The following SLC24A2 variants were observed in gnomAD, a reference collection of about 807,000 sequenced individuals.
SLC24A2 encodes the protein solute carrier family 24 member 2.
Under a neutral mutation model 62.0 loss-of-function variants are expected in SLC24A2, and 36 were observed. The ratio of observed to expected loss-of-function variants is 0.58; its 90% CI spans 0.44 to 0.77. SLC24A2 has a LOEUF of 0.77. Among genes scored for constraint, SLC24A2 ranks in the 30% least tolerant of loss-of-function variants. SLC24A2 has a pLI of 0.00. For missense variants in SLC24A2, 846 were observed against 817.9 expected, an observed-to-expected ratio of 1.03 and a Z score of -0.42; for synonymous variants, 358 against 294.0, an observed-to-expected ratio of 1.22 and a Z score of -2.23.
chr9:20,071,230 G>GT, the SLC24A2 span, among the ~76,000 whole-genome samples: 2,154 of 152,098 alleles, frequency 0.014, 50 homozygotes, highest in African/African-American at 0.05. Context: ...GTCTCAGGTA[G>GT]TTTTTTTTAT....
At chr9:20,078,470 T>C in the SLC24A2 span, among the ~76,000 whole-genome samples, 9 of 152,140 alleles carry the variant, frequency 5.9e-5, no homozygotes, top group African/African-American at 9.7e-5. Flanking sequence ...AAGTGAACTG[T>C]GAGCAGTACA....
At chr9:19,882,352 T>C in the SLC24A2 span, among the ~76,000 whole-genome samples, 1 of 152,236 alleles carries the variant, frequency 6.6e-6, no homozygotes, top group African/African-American at 2.4e-5. Context: ...TTTATTTGCT[T>C]ATTAAGCATT....
intron 7 of SLC24A2, among the ~76,000 whole-genome samples, chr9:19,561,158 G>C (rs1835380116): frequency 2.0e-5 from 3 of 151,640 alleles, no homozygotes; most frequent in East Asian, 3.9e-4. Flanking sequence ...TTGAACTCTT[G>C]ACCTCAAGTG....
chr9:19,715,258 G>T (rs568029130), intron 2 of SLC24A2, among the ~76,000 whole-genome samples: 1 of 152,094 alleles, frequency 6.6e-6, no homozygotes, highest in Non-Finnish European at 1.5e-5. Flanking sequence ...GAGTCCTCTT[G>T]TATTTTCTTT....
intron 2 of SLC24A2, among the ~76,000 whole-genome samples, chr9:19,774,039 G>A (rs368792214): frequency 1.0e-3 from 157 of 152,270 alleles, no homozygotes; most frequent in African/African-American, 3.3e-3. Flanking sequence ...CATCAAGAGA[G>A]AGGTCTAGGA....
the SLC24A2 span, among the ~76,000 whole-genome samples, chr9:20,105,344 G>A: frequency 8.1e-4 from 123 of 152,092 alleles, 3 homozygotes; most frequent in South Asian, 0.011. Flanking sequence ...TGCACCAAGC[G>A]GACCTAATAG....
the SLC24A2 span, among the ~76,000 whole-genome samples, chr9:20,087,387 G>A: frequency 6.6e-6 from 1 of 152,148 alleles, no homozygotes; most frequent in Admixed American, 6.5e-5. Flanking sequence ...AAATCTAAAT[G>A]ATATGGTTTT....
At chr9:19,820,550 T>A in the SLC24A2 span, among the ~76,000 whole-genome samples, 2 of 151,236 alleles carry the variant, frequency 1.3e-5, no homozygotes, top group Non-Finnish European at 3.0e-5. Context: ...AAAAAATAAA[T>A]AAATAAATAA....
At chr9:20,279,795 A>G in the SLC24A2 span, among the ~76,000 whole-genome samples, 17,444 of 152,208 alleles carry the variant, frequency 0.11, 1,887 homozygotes, top group East Asian at 0.47. Flanking sequence ...CACCTCCACC[A>G]TTAAAACAAG....
At chr9:20,255,870 C>T in the SLC24A2 span, among the ~76,000 whole-genome samples, 3 of 152,146 alleles carry the variant, frequency 2.0e-5, no homozygotes, top group Non-Finnish European at 4.4e-5. Context: ...AGCCCAGCTC[C>T]GATTGTTTAT....
chr9:20,088,589 AC>A, the SLC24A2 span, among the ~76,000 whole-genome samples: 8 of 152,280 alleles, frequency 5.3e-5, no homozygotes, highest in African/African-American at 1.9e-4. Flanking sequence ...AGAATGGGCC[AC>A]CATCTTCGCT....
intron 8 of SLC24A2, among the ~76,000 whole-genome samples, chr9:19,547,936 G>T (rs1379990204): frequency 6.6e-6 from 1 of 151,654 alleles, no homozygotes; most frequent in African/African-American, 2.4e-5. Context: ...TTGGTTGTGG[G>T]TTTTCAGGAA....
chr9:20,249,612 G>A, the SLC24A2 span, among the ~76,000 whole-genome samples: 2 of 150,060 alleles, frequency 1.3e-5, no homozygotes, highest in African/African-American at 5.0e-5. Flanking sequence ...GACTGAGGCA[G>A]GAGAATTGCT....
chr9:19,656,617 C>T (rs1818951169), intron 2 of SLC24A2, among the ~76,000 whole-genome samples: 1 of 152,108 alleles, frequency 6.6e-6, no homozygotes, highest in Non-Finnish European at 1.5e-5. Context: ...GTTTTTATCC[C>T]CCACCTTCAG....
the SLC24A2 span, among the ~76,000 whole-genome samples, chr9:19,985,523 A>G: frequency 9.2e-5 from 14 of 152,192 alleles, no homozygotes; most frequent in African/African-American, 3.4e-4. Flanking sequence ...AATTCTAGAA[A>G]AAACAAAGCT....
the SLC24A2 span, among the ~76,000 whole-genome samples, chr9:19,977,337 G>T: frequency 3.3e-5 from 5 of 152,144 alleles, no homozygotes; most frequent in African/African-American, 1.2e-4. Context: ...ACTGAAGTGC[G>T]TATTGAATAT....
chr9:20,123,975 C>G, the SLC24A2 span, among the ~76,000 whole-genome samples: 1 of 152,282 alleles, frequency 6.6e-6, no homozygotes, highest in African/African-American at 2.4e-5. Flanking sequence ...GGCTTCTTCC[C>G]TATTCCTGAT....
At chr9:19,561,969 A>T (rs1046426650) in intron 7 of SLC24A2, among the ~76,000 whole-genome samples, 3 of 152,200 alleles carry the variant, frequency 2.0e-5, no homozygotes, top group Non-Finnish European at 2.9e-5. Flanking sequence ...GTTGTGAGTG[A>T]TGAAGCTGTC....
At position 19,509,340 on chromosome 9, in the gene SLC24A2, TAAGTA is replaced by T. The variant is rs1474568348; in HGVS notation, c.*6808_*6812del. 6.6e-6 allele frequency: 1 copy of T among 152,174 alleles called. No individual in the cohort carries two copies. The allele number at this position is 152,174 out of a possible 1,614,324, so 9.4% of individuals were successfully genotyped here. A position where few individuals can be genotyped will look rare whatever the true frequency, so the allele number is the denominator to read the frequency against. On this transcript the variant is annotated 3_prime_UTR_variant, in exon 11 of 11. Coordinates refer to ENST00000341998, the MANE Select transcript of SLC24A2 (RefSeq NM_020344.4). Reference sequence around the variant, plus strand: ...TATTAAAGCACACATCTAAAATGTATAAGTAGATTAGGATTGCCTAGAACAATAAT... The same window carrying T: ...TATTAAAGCACACATCTAAAATGTATGATTAGGATTGCCTAGAACAATAAT...
Sources: allele counts gnomAD v4.1 joint callset (sites outside exome capture counted in the v4.1 genomes callset), GRCh38; gene constraint gnomAD v4.1.1; transcripts MANE v1.5; gene names NCBI Gene and HGNC (gene_info 2026-07-23, HGNC 2026-07-21).